The following DGKI variants were observed in gnomAD, a reference collection of about 807,000 sequenced individuals.
DGKI encodes the protein diacylglycerol kinase iota, also known as DAG kinase iota.
DGKI carries 55 observed loss-of-function variants against 147.5 expected under a neutral mutation model. The observed-to-expected ratio is 0.37, with a 90% CI of 0.30 to 0.47. DGKI has a LOEUF of 0.47. DGKI is among the 20% of genes least tolerant of loss of function. DGKI has a pLI of 1.00. For missense variants in DGKI, 1,007 were observed against 1,323.8 expected, an observed-to-expected ratio of 0.76 and a Z score of 3.71; for synonymous variants, 469 against 477.1, an observed-to-expected ratio of 0.98 and a Z score of 0.22.
chr7:137,648,130 C>G (rs1412490345), intron 5 of DGKI, among the ~76,000 whole-genome samples: 1 of 152,010 alleles, frequency 6.6e-6, no homozygotes, highest in Non-Finnish European at 1.5e-5. Context: ...AAATGTCAGA[C>G]AGTATCATAC....
At chr7:137,434,762 A>T (rs929328397) in intron 28 of DGKI, among the ~76,000 whole-genome samples, 4 of 152,184 alleles carry the variant, frequency 2.6e-5, no homozygotes, top group Non-Finnish European at 5.9e-5. Context: ...ATGACAGATA[A>T]TAGTAGGGTC....
intron 1 of DGKI, among the ~76,000 whole-genome samples, chr7:137,719,702 G>A (rs948965830): frequency 6.6e-6 from 1 of 152,164 alleles, no homozygotes; most frequent in Non-Finnish European, 1.5e-5. Context: ...TGGGACAGGA[G>A]TAAGGAGAAA....
intron 15 of DGKI, 117 bp from the exon 16 acceptor site, chr7:137,578,442 G>T: frequency 1.4e-6 from 1 of 723,390 alleles, no homozygotes; most frequent in Non-Finnish European, 2.4e-6. Context: ...TAGATCCCAT[G>T]GTTTGGTTAT....
chr7:137,784,662 T>C (rs1374370239), intron 1 of DGKI, among the ~76,000 whole-genome samples: 1 of 152,048 alleles, frequency 6.6e-6, no homozygotes, highest in Non-Finnish European at 1.5e-5. Flanking sequence ...CCAACAACTA[T>C]AGACTTTACA....
intron 21 of DGKI, among the ~76,000 whole-genome samples, chr7:137,488,002 G>C (rs893178047): frequency 1.3e-5 from 2 of 152,126 alleles, no homozygotes; most frequent in Admixed American, 6.5e-5. Flanking sequence ...GAACAGGGAG[G>C]CTGCTCATGG....
chr7:137,585,431 C>G (rs1396546042), intron 13 of DGKI, 85 bp from the exon 14 acceptor site: 8 of 1,476,610 alleles, frequency 5.4e-6, no homozygotes, highest in Non-Finnish European at 7.3e-6. Flanking sequence ...AGAGCCAAGC[C>G]GTTATATTGT....
At chr7:137,461,887 AACAG>A (rs553723671) in intron 27 of DGKI, among the ~76,000 whole-genome samples, 7 of 152,206 alleles carry the variant, frequency 4.6e-5, no homozygotes, top group Non-Finnish European at 1.0e-4. Flanking sequence ...GTTTAACGCA[AACAG>A]ACAGAAAGAG....
chr7:137,831,893 C>T (rs888524609), intron 1 of DGKI, among the ~76,000 whole-genome samples: 1 of 152,234 alleles, frequency 6.6e-6, no homozygotes, highest in Admixed American at 6.5e-5. Flanking sequence ...TGGGTAAATA[C>T]AGCCATTCCA....
chr7:137,575,069 C>T (rs1818924310), intron 17 of DGKI, among the ~76,000 whole-genome samples: 1 of 152,098 alleles, frequency 6.6e-6, no homozygotes, highest in African/African-American at 2.4e-5. Context: ...GCACAATGGT[C>T]AAAAACCATT....
At chr7:137,621,252 T>C (rs1820736875) in intron 7 of DGKI, among the ~76,000 whole-genome samples, 1 of 152,238 alleles carries the variant, frequency 6.6e-6, no homozygotes. Flanking sequence ...TTTGAATACC[T>C]TCTTTAAAAA....
At chr7:137,736,615 C>T (rs558875295) in intron 1 of DGKI, among the ~76,000 whole-genome samples, 3 of 152,076 alleles carry the variant, frequency 2.0e-5, no homozygotes, top group Non-Finnish European at 4.4e-5. Context: ...AACCACCCCA[C>T]AAATTGCATC....
chr7:137,689,991 G>C lies in DGKI; in HGVS notation c.413C>G (p.Ser138Cys), dbSNP rs1449820038. Residue 138 changes from serine to cysteine, a missense_variant, in exon 2 of 33, where the codon TCC becomes TGC. Ser to Cys is a moderately radical substitution (Grantham distance 112). Transcript: ENST00000614521. The stretch of plus-strand genomic sequence containing the variant: ...AGCCAGATGCTGGAGGCCTGCCCGG[G>C]AGATTGCTTTCCTGCAGCAAGAAGA... Reference protein sequence around the residue: ...RKQVSYRKAISRAGLQHLAPA... With the variant: ...RKQVSYRKAICRAGLQHLAPA... 1.9e-6 allele frequency: 3 copies of C among 1,599,208 alleles called. No individual in the cohort carries two copies. In the Admixed American group the frequency reaches 5.4e-5, roughly 29 times the overall value.
At chr7:137,713,957 T>G (rs549352553) in intron 1 of DGKI, among the ~76,000 whole-genome samples, 1 of 152,334 alleles carries the variant, frequency 6.6e-6, no homozygotes, top group Non-Finnish European at 1.5e-5. Flanking sequence ...CAATTTTGAA[T>G]GGGGATATTT....
chr7:137,680,127 G>T (rs1823184053), intron 2 of DGKI, among the ~76,000 whole-genome samples: 1 of 151,926 alleles, frequency 6.6e-6, no homozygotes, highest in African/African-American at 2.4e-5. Flanking sequence ...CCTTATAGAA[G>T]AGACACATGG....
At chr7:137,619,987 G>A in intron 7 of DGKI, 47 bp from the exon 8 acceptor site, 1 of 1,277,614 alleles carries the variant, frequency 7.8e-7, no homozygotes, top group Non-Finnish European at 1.1e-6. Flanking sequence ...AAAGAGTAAT[G>A]CTGCAGCAAG....
chr7:137,471,653 A>C (rs933010666), intron 23 of DGKI, among the ~76,000 whole-genome samples: 2 of 152,084 alleles, frequency 1.3e-5, no homozygotes, highest in African/African-American at 2.4e-5. Context: ...AAGAACCTAA[A>C]GTTACCGAAC....
At chr7:137,442,921 G>A (rs184093212) in intron 28 of DGKI, among the ~76,000 whole-genome samples, 8 of 152,284 alleles carry the variant, frequency 5.3e-5, no homozygotes, top group East Asian at 1.9e-4. Flanking sequence ...TAGGCACAAC[G>A]ATAAGCAGAT....
At chr7:137,790,361 C>T (rs1796814741) in intron 1 of DGKI, among the ~76,000 whole-genome samples, 1 of 152,124 alleles carries the variant, frequency 6.6e-6, no homozygotes, top group Non-Finnish European at 1.5e-5. Flanking sequence ...CGAAGACTGA[C>T]TCTGGATATG....
chr7:137,845,853 C>T (rs2117126166), intron 1 of DGKI, among the ~76,000 whole-genome samples: 1 of 152,228 alleles, frequency 6.6e-6, no homozygotes, highest in African/African-American at 2.4e-5. Context: ...CATGGAGCCC[C>T]CATAACCAGT....
Sources: allele counts gnomAD v4.1 joint callset (sites outside exome capture counted in the v4.1 genomes callset), GRCh38; gene constraint gnomAD v4.1.1; transcripts MANE v1.5; gene names NCBI Gene and HGNC (gene_info 2026-07-23, HGNC 2026-07-21).